Variants in ANK3 observed in about 807,000 individuals in gnomAD.
The protein encoded by ANK3 is ankyrin 3, also known as ankyrin-3.
ANK3 carries 57 observed loss-of-function variants against 370.9 expected under a neutral mutation model. That is an observed-to-expected ratio of 0.15 (90% CI 0.12 to 0.19). The LOEUF (loss-of-function observed/expected upper bound fraction) is 0.19. Ranked by LOEUF, ANK3 falls within the 10% of genes least tolerant of loss-of-function variation. ANK3 has a pLI of 1.00. For synonymous variants in ANK3, 1,929 were observed against 1,946.3 expected (o/e 0.99, Z 0.23); for missense variants, 4,439 against 5,302.1 (o/e 0.84, Z 5.06).
At chr10:60,510,995 T>C (rs998634431) in intron 2 of ANK3, among the ~76,000 whole-genome samples, 1 of 152,188 alleles carries the variant, frequency 6.6e-6, no homozygotes, top group Admixed American at 6.6e-5. Context: ...AAAAGTGATA[T>C]ATGCATCTAC....
At chr10:60,094,105 T>C (rs1407061287) in intron 28 of ANK3, among the ~76,000 whole-genome samples, 2 of 151,858 alleles carry the variant, frequency 1.3e-5, no homozygotes, top group Non-Finnish European at 2.9e-5. Flanking sequence ...ATTCCTTAAA[T>C]AGAATCACAT....
At chr10:60,227,726 A>G (rs1008152597) in intron 8 of ANK3, among the ~76,000 whole-genome samples, 19 of 152,090 alleles carry the variant, frequency 1.2e-4, no homozygotes, top group African/African-American at 4.6e-4. Flanking sequence ...GATTTTTAAA[A>G]TATTTCTGAT....
At chr10:60,591,424 T>G (rs1470016952) in intron 2 of ANK3, among the ~76,000 whole-genome samples, 4 of 151,804 alleles carry the variant, frequency 2.6e-5, no homozygotes, top group Admixed American at 1.3e-4. Flanking sequence ...ACTGCAGCCT[T>G]GACCTCCCAG....
At chr10:60,389,891 G>C, upstream of ANK3, 1 of 980,672 alleles carries the variant, frequency 1.0e-6, no homozygotes, top group Non-Finnish European at 1.2e-6. Flanking sequence ...CCTCGGAAGG[G>C]GGAATGCTGC....
At position 60,486,876 on chromosome 10, in the gene ANK3, C is replaced by A. The variant is rs10761508; in HGVS notation, c.96+128310G>T. Among the ~76,000 whole-genome samples the A allele has an allele frequency of 3.9e-5, 6 of 152,008 alleles. No individual in the cohort carries two copies. The South Asian group carries it at 1.2e-3, about 31-fold the overall frequency. ...TACAGCAATGCAATTTTAAAAGATA[C>A]GTTTCAAACTGGACTTTAATTCTTA... is the stretch of plus-strand genomic sequence containing the variant. On this transcript the variant is annotated intron_variant, in intron 2 of 43. Coordinates refer to the ANK3 transcript ENST00000373827.
intron 2 of ANK3, among the ~76,000 whole-genome samples, chr10:60,579,873 C>T (rs772426508): frequency 6.6e-6 from 1 of 152,090 alleles, no homozygotes; most frequent in Non-Finnish European, 1.5e-5. Flanking sequence ...ATGATTCGTA[C>T]ATTTAAGACA....
At chr10:60,332,268 T>C (rs2051530091) in intron 1 of ANK3, among the ~76,000 whole-genome samples, 1 of 152,224 alleles carries the variant, frequency 6.6e-6, no homozygotes, top group Non-Finnish European at 1.5e-5. Context: ...TCAGAACGAC[T>C]AGCAATTTCC....
intron 2 of ANK3, chr10:60,572,975 C>T (rs553075814): frequency 1.0e-6 from 1 of 988,252 alleles, no homozygotes; most frequent in East Asian, 1.1e-4. Flanking sequence ...GTCTCCGAAG[C>T]CTTCCCAGGG....
intron 8 of ANK3, among the ~76,000 whole-genome samples, chr10:60,218,337 G>C (rs1378177811): frequency 6.6e-6 from 1 of 151,410 alleles, no homozygotes; most frequent in African/African-American, 2.4e-5. Context: ...CTGCTATTTG[G>C]TTATTTTGCA....
chr10:60,518,171 C>T (rs2076266630), intron 2 of ANK3, among the ~76,000 whole-genome samples: 1 of 152,080 alleles, frequency 6.6e-6, no homozygotes, highest in African/African-American at 2.4e-5. Flanking sequence ...AGAACTTGTT[C>T]CATGCTGCCA....
chr10:60,164,374 A>G (rs1179717832), intron 23 of ANK3, among the ~76,000 whole-genome samples: 2 of 152,034 alleles, frequency 1.3e-5, no homozygotes, highest in Non-Finnish European at 2.9e-5. Flanking sequence ...GACTAAAAAT[A>G]TTGTGTTCAG....
At chr10:60,708,645 G>T (rs1449494479) in intron 1 of ANK3, among the ~76,000 whole-genome samples, 1 of 152,136 alleles carries the variant, frequency 6.6e-6, no homozygotes, top group Non-Finnish European at 1.5e-5. Flanking sequence ...TAACTGACTT[G>T]GGATTTACCA....
At chr10:60,449,341 C>T (rs1324994057) in intron 2 of ANK3, among the ~76,000 whole-genome samples, 1 of 151,862 alleles carries the variant, frequency 6.6e-6, no homozygotes, top group African/African-American at 2.4e-5. Flanking sequence ...TCCTTTTTTG[C>T]ACAACAAATG....
intron 40 of ANK3, chr10:60,062,643 T>C (rs1248722034): frequency 6.6e-6 from 1 of 152,306 alleles, no homozygotes; most frequent in South Asian, 2.1e-4. Flanking sequence ...TTTAAATACC[T>C]GGTGCCACAC....
intron 7 of ANK3, among the ~76,000 whole-genome samples, chr10:60,240,503 C>T (rs1400361217): frequency 6.6e-6 from 1 of 151,636 alleles, no homozygotes; most frequent in Admixed American, 6.6e-5. Context: ...GAGGTTTCTC[C>T]ATGTTGGTCA....
chr10:60,700,306 T>C (rs1175240080), intron 1 of ANK3, among the ~76,000 whole-genome samples: 1 of 152,198 alleles, frequency 6.6e-6, no homozygotes, highest in Non-Finnish European at 1.5e-5. Flanking sequence ...TTTTATGAGA[T>C]GTCTTAAGAA....
chr10:60,115,332 A>T (rs1469916973), intron 25 of ANK3, among the ~76,000 whole-genome samples: 1 of 152,206 alleles, frequency 6.6e-6, no homozygotes, highest in Non-Finnish European at 1.5e-5. Context: ...TGCCTAGCAG[A>T]GGGAGGGCAA....
chr10:60,174,008 A>G (rs1277223618), intron 18 of ANK3, among the ~76,000 whole-genome samples: 1 of 152,200 alleles, frequency 6.6e-6, no homozygotes, highest in Non-Finnish European at 1.5e-5. Context: ...TCATAATGAC[A>G]CAGGCAGTAC....
intron 2 of ANK3, among the ~76,000 whole-genome samples, chr10:60,537,316 C>T (rs2076746532): frequency 6.6e-6 from 1 of 151,936 alleles, no homozygotes; most frequent in African/African-American, 2.4e-5. Context: ...AACAATTCAG[C>T]AATTTAATGT....
Sources: allele counts gnomAD v4.1 joint callset (sites outside exome capture counted in the v4.1 genomes callset), GRCh38; gene constraint gnomAD v4.1.1; transcripts MANE v1.5; gene names NCBI Gene and HGNC (gene_info 2026-07-23, HGNC 2026-07-21).